TMTC2: variants seen among roughly 807,000 people sequenced by gnomAD.
TMTC2 encodes transmembrane O-mannosyltransferase targeting cadherins 2, also known as protein O-mannosyl-transferase TMTC2.
Under a neutral mutation model 82.4 loss-of-function variants are expected in TMTC2, and 43 were observed. The ratio of observed to expected loss-of-function variants is 0.52; its 90% CI spans 0.41 to 0.67. TMTC2 has a LOEUF of 0.67. Ranked by LOEUF, TMTC2 falls within the 30% of genes least tolerant of loss-of-function variation. The pLI is 0.00. For missense variants in TMTC2, 919 were observed against 1,012.4 expected, an observed-to-expected ratio of 0.91 and a Z score of 1.25; for synonymous variants, 408 against 381.9, an observed-to-expected ratio of 1.07 and a Z score of -0.80.
At position 82,972,069 on chromosome 12, in the gene TMTC2, G is replaced by A. The variant is rs552170457; in HGVS notation, c.1948+5072G>A. Among the ~76,000 whole-genome samples the A allele has an allele frequency of 3.9e-5, 6 of 152,168 alleles. No homozygotes were observed. In the East Asian group the frequency reaches 1.2e-3, roughly 29 times the overall value. On this transcript the variant is annotated intron_variant, in intron 7 of 11. Transcript: ENST00000321196. ...TGACTAGACCAAAGAAAACAAACAA[G>A]AGAAACTCAACCTTTTTAATTTCTT...
chr12:82,696,126 T>G (rs116997827), intron 1 of TMTC2, among the ~76,000 whole-genome samples: 1 of 152,366 alleles, frequency 6.6e-6, no homozygotes, highest in Non-Finnish European at 1.5e-5. Flanking sequence ...GCAAGCTGTT[T>G]ATGACAAATT....
chr12:83,125,114 T>C (rs1376602334), intron 11 of TMTC2, among the ~76,000 whole-genome samples: 1 of 152,224 alleles, frequency 6.6e-6, no homozygotes, highest in Non-Finnish European at 1.5e-5. Flanking sequence ...CCTCCCGTAT[T>C]CATTCATCCA....
chr12:83,115,750 CG>C (rs1477453106), intron 11 of TMTC2, among the ~76,000 whole-genome samples: 1 of 151,930 alleles, frequency 6.6e-6, no homozygotes, highest in Non-Finnish European at 1.5e-5. Flanking sequence ...AACCATCACC[CG>C]GGCAGTATAC....
chr12:82,920,020 A>C (rs180840694), intron 3 of TMTC2, among the ~76,000 whole-genome samples: 21 of 152,278 alleles, frequency 1.4e-4, no homozygotes, highest in Admixed American at 1.4e-3. Context: ...AGCTGCTTCC[A>C]TATTTTCAGG....
Position 82,798,354 on chromosome 12 carries a change from G to A in TMTC2, c.84-58656G>A, listed in dbSNP as rs796296707. Among the ~76,000 whole-genome samples the A allele has an allele frequency of 1.1e-4, 16 of 147,448 alleles. 1 individual carries two copies. Among genetic ancestry groups the A allele is most frequent in the South Asian group, 6.4e-4 (3 of 4,656 alleles). ...TGGGAGGCCGAGGCCGGTGGATGGC[G>A]GGCGTGGTGGCGGGCGCCTGTAGTC... On this transcript the variant is annotated intron_variant, in intron 1 of 11. Coordinates refer to ENST00000321196, the MANE Select transcript of TMTC2 (RefSeq NM_152588.3).
At chr12:82,916,300 TC>T (rs1874995580) in intron 3 of TMTC2, among the ~76,000 whole-genome samples, 1 of 152,216 alleles carries the variant, frequency 6.6e-6, no homozygotes, top group African/African-American at 2.4e-5. Context: ...TCCCAAATTC[TC>T]TCCCTTTGGC....
At position 82,750,315 on chromosome 12, in the gene TMTC2, A is replaced by G. The variant is rs140198218; in HGVS notation, c.83+62646A>G. ...TGCTGGCCATATCAAGCAGCTTTCT[A>G]TAGAAACTAGCATGCTTGTTTAAGA... On this transcript the variant is annotated intron_variant, in intron 1 of 11. Coordinates refer to ENST00000321196, the MANE Select transcript of TMTC2 (RefSeq NM_152588.3). 3.5e-3 allele frequency among the ~76,000 whole-genome samples: 538 copies of G among 151,730 alleles called. 1 individual carries two copies. Among genetic ancestry groups the G allele is most frequent in the African/African-American group, 0.012 (498 of 41,324 alleles).
chr12:83,127,719 C>G (rs536358306), intron 11 of TMTC2, among the ~76,000 whole-genome samples: 2 of 152,194 alleles, frequency 1.3e-5, no homozygotes, highest in African/African-American at 4.8e-5. Flanking sequence ...TCACAATACC[C>G]TGTGAGCTCA....
rs531641916 is a variant in TMTC2 at position 83,078,741 on chromosome 12, G to A, written c.2331+16910G>A. Reference sequence around the variant, plus strand: ...TTTATGTTTGACCAGCTCTCATATGGTTTTTATCTTCACTCTTTTATTCTG... The same window carrying A: ...TTTATGTTTGACCAGCTCTCATATGATTTTTATCTTCACTCTTTTATTCTG... On this transcript the variant is annotated intron_variant, in intron 11 of 11. Coordinates refer to ENST00000321196, the MANE Select transcript of TMTC2 (RefSeq NM_152588.3). Among the ~76,000 whole-genome samples the A allele has an allele frequency of 2.6e-4, 40 of 152,098 alleles. No homozygotes were observed. The South Asian group carries it at 8.1e-3, about 31-fold the overall frequency.
chr12:83,107,608 A>G (rs931624722), intron 11 of TMTC2, among the ~76,000 whole-genome samples: 3 of 152,230 alleles, frequency 2.0e-5, no homozygotes, highest in African/African-American at 4.8e-5. Flanking sequence ...CATGAAATTT[A>G]GAGGACCGTT....
intron 2 of TMTC2, among the ~76,000 whole-genome samples, chr12:82,881,922 T>C (rs993996618): frequency 5.3e-5 from 8 of 152,276 alleles, no homozygotes; most frequent in Non-Finnish European, 8.8e-5. Flanking sequence ...AATGACACTT[T>C]GTGAAAACTC....
chr12:82,826,888 C>G (rs1002270397), intron 1 of TMTC2, among the ~76,000 whole-genome samples: 2 of 152,044 alleles, frequency 1.3e-5, no homozygotes, highest in Non-Finnish European at 2.9e-5. Flanking sequence ...TTATTGTTTT[C>G]TCTGAAAATT....
At chr12:82,937,729 G>GTGTGT (rs1876398207) in intron 4 of TMTC2, among the ~76,000 whole-genome samples, 2 of 12,596 alleles carry the variant, frequency 1.6e-4, no homozygotes, top group African/African-American at 2.2e-4. Context: ...TGTGTGTGTG[G>GTGTGT]ATGTGTGTGT....
intron 11 of TMTC2, among the ~76,000 whole-genome samples, chr12:83,081,581 G>A (rs962825761): frequency 2.6e-5 from 4 of 152,130 alleles, no homozygotes; most frequent in Non-Finnish European, 4.4e-5. Context: ...AATCTAGAGA[G>A]ATGTTTGAGA....
chr12:82,870,280 A>G (rs1468339911), intron 2 of TMTC2, among the ~76,000 whole-genome samples: 1 of 151,996 alleles, frequency 6.6e-6, no homozygotes, highest in African/African-American at 2.4e-5. Context: ...CCTTATTTGC[A>G]TTTTGTCATC....
At chr12:83,100,380 T>TTTTTTTG (rs748769962) in intron 11 of TMTC2, among the ~76,000 whole-genome samples, 46 of 152,120 alleles carry the variant, frequency 3.0e-4, no homozygotes, top group Admixed American at 5.9e-4. Context: ...TTGTTTGTGT[T>TTTTTTTG]TTTTTTGTTT....
At chr12:82,994,267 C>T (rs1253044970) in intron 8 of TMTC2, among the ~76,000 whole-genome samples, 1 of 152,122 alleles carries the variant, frequency 6.6e-6, no homozygotes, top group Non-Finnish European at 1.5e-5. Flanking sequence ...AATTCTCGTG[C>T]CTCAGCCTCT....
rs2137449171 is a variant in TMTC2, at chr12:83,046,296, C to T, written c.2153-4608C>T. Among the ~76,000 whole-genome samples, 2 of 152,136 alleles carry T rather than the reference C, an allele frequency of 1.3e-5. 1 individual carries two copies. Among genetic ancestry groups the T allele is most frequent in the East Asian group, 3.9e-4 (2 of 5,182 alleles). On this transcript the variant is annotated intron_variant, in intron 9 of 11. Coordinates refer to ENST00000321196, the MANE Select transcript of TMTC2 (RefSeq NM_152588.3). The stretch of plus-strand genomic sequence containing the variant: ...GTGAAAAACATTTATTTTGTTTTTC[C>T]CATAAGACACTGATTCTCAAAGTAT...
At chr12:82,947,367 A>C (rs1269275730) in intron 4 of TMTC2, among the ~76,000 whole-genome samples, 1 of 130,344 alleles carries the variant, frequency 7.7e-6, no homozygotes, top group Non-Finnish European at 1.6e-5. Flanking sequence ...TTTGAGACGG[A>C]GTCTCGCTCT....
Sources: gnomAD v4.1 joint callset for allele counts (sites outside exome capture counted in the v4.1 genomes callset) on GRCh38, gnomAD v4.1.1 for gene constraint, MANE v1.5 for transcripts, NCBI Gene and HGNC (gene_info 2026-07-23, HGNC 2026-07-21) for gene names.